Variants in ACSM6 observed in about 807,000 individuals in gnomAD.
ACSM6 encodes acyl-CoA synthetase medium chain family member 6, also known as acyl-coenzyme A synthetase ACSM6, mitochondrial.
A neutral mutation model predicts 51.1 loss-of-function variants in ACSM6; 35 were observed. The observed-to-expected ratio is 0.69, with a 90% CI of 0.52 to 0.91. The LOEUF (loss-of-function observed/expected upper bound fraction) is 0.91, where lower values mean the gene tolerates loss of function less well. ACSM6 is among the 40% of genes least tolerant of loss of function. The probability of loss-of-function intolerance (pLI) is 0.00; values close to 1 mark genes in which losing one functional copy is unlikely to be tolerated. For synonymous variants in ACSM6, 172 were observed against 207.3 expected, an observed-to-expected ratio of 0.83 and a Z score of 1.46; for missense variants, 509 against 584.1, an observed-to-expected ratio of 0.87 and a Z score of 1.32.
At chr10:95,204,396 A>G (rs2034822113) in intron 3 of ACSM6, among the ~76,000 whole-genome samples, 1 of 152,120 alleles carries the variant, frequency 6.6e-6, no homozygotes, top group Non-Finnish European at 1.5e-5. Context: ...TACTAAAAAA[A>G]TACAAAAATT....
At chr10:95,215,140 C>G (rs767708593) in intron 8 of ACSM6, among the ~76,000 whole-genome samples, 165 bp downstream of exon 8, 9 of 152,160 alleles carry the variant, frequency 5.9e-5, no homozygotes, top group Non-Finnish European at 8.8e-5. Context: ...CATGATAAGA[C>G]AAAGAATTAC....
chr10:95,199,562 G>A (rs2133371161), intron 2 of ACSM6, among the ~76,000 whole-genome samples: 1 of 152,122 alleles, frequency 6.6e-6, no homozygotes, highest in East Asian at 1.9e-4. Flanking sequence ...GAGTGAACAG[G>A]CAACCTACAG....
chr10:95,209,326 G>C (rs1297430974), intron 4 of ACSM6, among the ~76,000 whole-genome samples: 1 of 152,150 alleles, frequency 6.6e-6, no homozygotes, highest in South Asian at 2.1e-4. Context: ...GTGGGGAAGA[G>C]AGTAGCAGGA....
intron 4 of ACSM6, among the ~76,000 whole-genome samples, chr10:95,208,782 G>C (rs2034866419): frequency 1.3e-5 from 2 of 151,782 alleles, no homozygotes. Context: ...AAAAAGCATA[G>C]TGTATATAGG....
chr10:95,211,224 CT>C (rs1258518541), intron 5 of ACSM6, among the ~76,000 whole-genome samples: 1 of 152,178 alleles, frequency 6.6e-6, no homozygotes, highest in East Asian at 1.9e-4. Flanking sequence ...CACACCACCC[CT>C]TTTTTAAGAA....
chr10:95,209,880 T>C (rs1319701873), intron 4 of ACSM6, among the ~76,000 whole-genome samples: 3 of 152,154 alleles, frequency 2.0e-5, no homozygotes, highest in East Asian at 3.8e-4. Context: ...TGCCTATTTT[T>C]ATAAATAAAG....
chr10:95,205,286 A>G (rs1230124411), intron 3 of ACSM6, among the ~76,000 whole-genome samples: 2 of 152,142 alleles, frequency 1.3e-5, no homozygotes, highest in African/African-American at 2.4e-5. Flanking sequence ...TTACTATAGC[A>G]AAATGCTATC....
intron 8 of ACSM6, among the ~76,000 whole-genome samples, chr10:95,215,656 A>T (rs1167261620): frequency 6.6e-6 from 1 of 152,210 alleles, no homozygotes; most frequent in Non-Finnish European, 1.5e-5. Context: ...GGCACTGGAG[A>T]TGTCAATGGA....
Position 95,212,089 on chromosome 10 carries a change from A to C in ACSM6, c.912+55A>C, listed in dbSNP as rs188945699. ...GGGACAAAGGCCAGAGAGAGGCATT[A>C]GCAATGACCCAGTGACTCATGCCCA... On this transcript the variant is annotated intron_variant, in intron 6 of 10. Coordinates refer to ENST00000341686, the Ensembl canonical transcript of ACSM6. The C allele has an allele frequency of 1.4e-4, 224 of 1,602,982 alleles. 1 individual carries two copies. The East Asian group carries it at 4.4e-3, about 31-fold the overall frequency.
chr10:95,194,558 A>T, exon 2 of ACSM6: 1 of 1,551,932 alleles, frequency 6.4e-7, no homozygotes, highest in Non-Finnish European at 8.7e-7. Context: ...CTGCTATCCA[A>T]ACCAAAAATG....
intron 2 of ACSM6, among the ~76,000 whole-genome samples, chr10:95,195,213 TG>T (rs1033217587): frequency 6.6e-6 from 1 of 152,176 alleles, no homozygotes; most frequent in Non-Finnish European, 1.5e-5. Flanking sequence ...CACAAAGTGC[TG>T]AAAAAGAAGT....
chr10:95,218,222 TTTAG>T (rs1156748684), intron 8 of ACSM6, among the ~76,000 whole-genome samples: 8 of 152,368 alleles, frequency 5.3e-5, no homozygotes, highest in African/African-American at 1.7e-4. Context: ...ACTTGGCATT[TTTAG>T]TTAGTCACAC....
chr10:95,204,046 C>T (rs1386308090), intron 3 of ACSM6, among the ~76,000 whole-genome samples: 1 of 152,032 alleles, frequency 6.6e-6, no homozygotes, highest in Admixed American at 6.6e-5. Context: ...GACAATTGAT[C>T]CATGTCTGAG....
At chr10:95,212,096 A>G in intron 6 of ACSM6, 62 bp downstream of exon 6, 2 of 1,590,290 alleles carry the variant, frequency 1.3e-6, no homozygotes, top group Admixed American at 3.4e-5. Flanking sequence ...ATTAGCAATG[A>G]CCCAGTGACT....
At chr10:95,209,508 A>T (rs2034874227) in intron 4 of ACSM6, among the ~76,000 whole-genome samples, 1 of 152,116 alleles carries the variant, frequency 6.6e-6, no homozygotes, top group Non-Finnish European at 1.5e-5. Context: ...GACCCAGGAG[A>T]AGGCTGTTGC....
chr10:95,201,918 A>T (rs1355775901), intron 2 of ACSM6, 67 bp from the exon 3 acceptor site: 2 of 1,397,168 alleles, frequency 1.4e-6, no homozygotes, highest in African/African-American at 2.9e-5. Flanking sequence ...CTGTCTGGCA[A>T]CAGTGGCCTC....
intron 9 of ACSM6, among the ~76,000 whole-genome samples, chr10:95,220,739 G>A (rs1457897941): frequency 6.6e-6 from 1 of 152,036 alleles, no homozygotes; most frequent in Non-Finnish European, 1.5e-5. Context: ...TGCCTATCCA[G>A]TTTCACTACA....
At chr10:95,209,416 G>C (rs1457079317) in intron 4 of ACSM6, among the ~76,000 whole-genome samples, 1 of 152,156 alleles carries the variant, frequency 6.6e-6, no homozygotes, top group African/African-American at 2.4e-5. Context: ...AAACACTAAA[G>C]GGAAGGACTT....
chr10:95,201,999 G>A (rs981965671), exon 3 of ACSM6: 1 of 1,551,668 alleles, frequency 6.4e-7, no homozygotes, highest in Non-Finnish European at 8.7e-7. Flanking sequence ...GACTCAGAGG[G>A]CCTTACCCCG....
Sources: gnomAD v4.1 joint callset for allele counts (sites outside exome capture counted in the v4.1 genomes callset) on GRCh38, gnomAD v4.1.1 for gene constraint, MANE v1.5 for transcripts, NCBI Gene and HGNC (gene_info 2026-07-23, HGNC 2026-07-21) for gene names.